TAF1B: variants seen among roughly 807,000 people sequenced by gnomAD.
TAF1B encodes the protein TATA-box binding protein associated factor, RNA polymerase I subunit B, also known as TATA box-binding protein-associated factor RNA polymerase I subunit B.
TAF1B carries 61 observed loss-of-function variants against 83.9 expected under a neutral mutation model. That is an observed-to-expected ratio of 0.73 (90% confidence interval 0.59 to 0.90). The LOEUF (loss-of-function observed/expected upper bound fraction) is 0.90, where lower values mean the gene tolerates loss of function less well. Among genes scored for constraint, TAF1B ranks in the 40% least tolerant of loss-of-function variants. TAF1B has a pLI of 0.00. For missense variants in TAF1B, 625 were observed against 677.0 expected (o/e 0.92, Z 0.85); for synonymous variants, 221 against 224.6 (o/e 0.98, Z 0.14).
At chr2:9,847,106 G>C (rs1663229980) in intron 2 of TAF1B, among the ~76,000 whole-genome samples, 1 of 152,138 alleles carries the variant, frequency 6.6e-6, no homozygotes, top group South Asian at 2.1e-4. Context: ...GTTTGATTCT[G>C]TTTGATCAAA....
intron 8 of TAF1B, among the ~76,000 whole-genome samples, chr2:9,900,471 G>A (rs998394891): frequency 6.6e-6 from 1 of 152,184 alleles, no homozygotes; most frequent in Non-Finnish European, 1.5e-5. Flanking sequence ...AGGAGGTCAA[G>A]GCTGTAGTGA....
intron 12 of TAF1B, among the ~76,000 whole-genome samples, chr2:9,916,100 A>G (rs1665674813): frequency 6.6e-6 from 1 of 152,214 alleles, no homozygotes; most frequent in South Asian, 2.1e-4. Flanking sequence ...GATATTTTGG[A>G]GTGATGGAAC....
chr2:9,853,993 T>C (rs146219146), intron 4 of TAF1B, among the ~76,000 whole-genome samples: 75 of 152,270 alleles, frequency 4.9e-4, no homozygotes, highest in South Asian at 1.7e-3. Context: ...TATGATGATA[T>C]TATAATTCTT....
chr2:9,847,711 C>T lies in TAF1B; in HGVS notation c.118-1662C>T, dbSNP rs188619619. Among the ~76,000 whole-genome samples the T allele has an allele frequency of 1.0e-3, 154 of 152,180 alleles. 1 individual carries two copies. The highest frequency in any genetic ancestry group is 1.8e-3 in the Non-Finnish European group (123 of 68,016). ...AATAGATATTTTTGCAAGAGTTTCACGGATATTTAAAAAGGTGTAGGCTAG... is the reference window on the plus strand; with the variant it reads ...AATAGATATTTTTGCAAGAGTTTCATGGATATTTAAAAAGGTGTAGGCTAG... On this transcript the variant is annotated intron_variant, in intron 2 of 14. Coordinates refer to ENST00000263663, the MANE Select transcript of TAF1B (RefSeq NM_005680.3).
chr2:9,874,435 C>G (rs1282403007), intron 6 of TAF1B, among the ~76,000 whole-genome samples: 1 of 151,978 alleles, frequency 6.6e-6, no homozygotes, highest in Non-Finnish European at 1.5e-5. Flanking sequence ...CACTATCTGT[C>G]AAATGTAATT....
intron 14 of TAF1B, among the ~76,000 whole-genome samples, chr2:9,926,428 A>C (rs947522080): frequency 1.2e-4 from 19 of 152,120 alleles, no homozygotes; most frequent in Non-Finnish European, 2.6e-4. Flanking sequence ...AATCCTGGTC[A>C]TGTGTCCCAT....
In TAF1B at chr2:9,880,489, AC is replaced by A. The variant is rs1289526349; in HGVS notation, c.708-2216del. On this transcript the variant is annotated intron_variant, in intron 7 of 14. Coordinates refer to ENST00000263663, the MANE Select transcript of TAF1B (RefSeq NM_005680.3). ...ACTTTTCTAAAAGGAGATTCAAAGAACTATTTATAAATGGTGAAAAACTGTT... is the reference window on the plus strand; with the variant it reads ...ACTTTTCTAAAAGGAGATTCAAAGAATATTTATAAATGGTGAAAAACTGTT... 2.3e-4 allele frequency among the ~76,000 whole-genome samples: 35 copies of A among 149,346 alleles called. 1 individual carries two copies. Among genetic ancestry groups the A allele is most frequent in the Non-Finnish European group, 8.9e-5 (6 of 67,648 alleles).
chr2:9,895,998 A>G (rs1665008073), intron 8 of TAF1B, among the ~76,000 whole-genome samples: 1 of 152,138 alleles, frequency 6.6e-6, no homozygotes, highest in African/African-American at 2.4e-5. Context: ...AAATTCAATA[A>G]AATGCTTTCC....
At chr2:9,844,244 G>A (rs114138420) in intron 1 of TAF1B, 6,506 of 152,178 alleles carry the variant, frequency 0.043, 182 homozygotes, top group Non-Finnish European at 0.065. Context: ...TCGAATCCTG[G>A]GCTCGAGAGA....
At chr2:9,845,193 C>T (rs1344661668) in intron 1 of TAF1B, 27 bp from the exon 2 acceptor site, 13 of 1,577,948 alleles carry the variant, frequency 8.2e-6, no homozygotes, top group African/African-American at 1.4e-5. Context: ...TTGATGGGAA[C>T]ACCTTTTCTG....
At chr2:9,862,007 A>G (rs1663784469) in intron 5 of TAF1B, among the ~76,000 whole-genome samples, 1 of 152,130 alleles carries the variant, frequency 6.6e-6, no homozygotes. Flanking sequence ...AAAACAGAGC[A>G]GAAAAACTGT....
intron 5 of TAF1B, among the ~76,000 whole-genome samples, chr2:9,857,845 AC>A (rs1663613594): frequency 6.6e-6 from 1 of 152,042 alleles, no homozygotes; most frequent in Non-Finnish European, 1.5e-5. Flanking sequence ...GGGGGAAGCC[AC>A]CCCCATGATC....
At chr2:9,909,757 G>C (rs1484345010) in intron 9 of TAF1B, among the ~76,000 whole-genome samples, 1 of 152,200 alleles carries the variant, frequency 6.6e-6, no homozygotes, top group African/African-American at 2.4e-5. Flanking sequence ...CTATGAAGCA[G>C]GTACTATTCT....
At chr2:9,869,026 A>G (rs1234182394) in intron 6 of TAF1B, among the ~76,000 whole-genome samples, 1 of 152,216 alleles carries the variant, frequency 6.6e-6, no homozygotes, top group East Asian at 1.9e-4. Flanking sequence ...TGTTAGGATC[A>G]TTGACTAATT....
intron 2 of TAF1B, among the ~76,000 whole-genome samples, chr2:9,847,444 A>G (rs537174991): frequency 4.6e-5 from 7 of 152,160 alleles, no homozygotes; most frequent in Non-Finnish European, 8.8e-5. Context: ...GTTGAAATAC[A>G]GTGGGTGGGG....
rs372202481 is a variant in TAF1B, at chr2:9,868,269, C to A, written c.400-7C>A. 1.2e-6 allele frequency: 2 copies of A among 1,610,976 alleles called. No individual in the cohort carries two copies. The highest frequency in any genetic ancestry group is 1.7e-6 in the Non-Finnish European group (2 of 1,178,508). On this transcript the variant is annotated splice_polypyrimidine_tract_variant and splice_region_variant and intron_variant, in intron 5 of 14. Transcript: ENST00000263663. The stretch of plus-strand genomic sequence containing the variant: ...CAATAATTTTATTTATATTGTTTTG[C>A]AAACAGGTATTAGAAGATAATCTAA...
chr2:9,843,717 G>A, intron 1 of TAF1B, 158 bp downstream of exon 1: 4 of 800,576 alleles, frequency 5.0e-6, no homozygotes, highest in Non-Finnish European at 7.4e-6. Flanking sequence ...GACTGGGGCT[G>A]GCCGGCCGCA....
chr2:9,864,569 A>G (rs2125143852), intron 5 of TAF1B, among the ~76,000 whole-genome samples: 1 of 152,330 alleles, frequency 6.6e-6, no homozygotes, highest in East Asian at 1.9e-4. Flanking sequence ...AAAAGAGGGA[A>G]TCCTCCCTAG....
rs998035041 is a variant in TAF1B at position 9,875,996 on chromosome 2, A to G, written c.685A>G (p.Ile229Val). 6 of 1,611,284 alleles carry G rather than the reference A, an allele frequency of 3.7e-6. No homozygotes were observed. Among genetic ancestry groups the G allele is most frequent in the Admixed American group, 3.3e-5 (2 of 59,980 alleles). ...YLSLLWQREA[I>V]TLSDLLRFVE... Reference sequence around the variant, plus strand: ...GTCCTTACTTTGGCAGAGAGAAGCAATAACACTTTCAGATCTTTTGAGGTT... The same window carrying G: ...GTCCTTACTTTGGCAGAGAGAAGCAGTAACACTTTCAGATCTTTTGAGGTT... Residue 229 changes from isoleucine (I) to valine (V), a missense_variant, in exon 7 of 15, where the codon ATA (isoleucine) becomes GTA (valine). By Grantham distance (29) the Ile-to-Val change is conservative. Coordinates refer to ENST00000263663, the MANE Select transcript of TAF1B (RefSeq NM_005680.3).
Sources: gnomAD v4.1 joint callset for allele counts (sites outside exome capture counted in the v4.1 genomes callset) on GRCh38, gnomAD v4.1.1 for gene constraint, MANE v1.5 for transcripts, NCBI Gene and HGNC (gene_info 2026-07-23, HGNC 2026-07-21) for gene names.